Variants in EPS8L2 observed in about 807,000 individuals in gnomAD.
EPS8L2 encodes the protein EPS8 signaling adaptor L2.
Under a neutral mutation model 99.4 loss-of-function variants are expected in EPS8L2, and 81 were observed. The ratio of observed to expected loss-of-function variants is 0.82; its 90% CI spans 0.68 to 0.98. The LOEUF is 0.98. EPS8L2 is among the 50% of genes least tolerant of loss of function. The probability of loss-of-function intolerance (pLI) is 0.00; values close to 1 mark genes in which losing one functional copy is unlikely to be tolerated. For synonymous variants in EPS8L2, 509 were observed against 407.3 expected, an observed-to-expected ratio of 1.25 and a Z score of -3.01; for missense variants, 1,155 against 968.8, an observed-to-expected ratio of 1.19 and a Z score of -2.55.
In EPS8L2 at chr11:724,915, T is replaced by C. The variant is rs1015995914; in HGVS notation, c.1560+86T>C. On this transcript the variant is annotated intron_variant, in intron 16 of 20. Transcript: ENST00000318562. This position sits in a 1 kb window ranked among gnomAD's most constrained non-coding sequence, Gnocchi z 5.5. Reference sequence around the variant, plus strand: ...CTACCAGGGGAGGTGGGGAGCGGTCTAGGGCCAGGCTGGGTGATGCCAGGA... The same window carrying C: ...CTACCAGGGGAGGTGGGGAGCGGTCCAGGGCCAGGCTGGGTGATGCCAGGA... 220 of 1,026,736 alleles carry C rather than the reference T, an allele frequency of 2.1e-4. 2 individuals carry two copies. The highest frequency in any genetic ancestry group is 9.4e-5 in the Non-Finnish European group (63 of 668,366). The allele number at this position is 1,026,736 out of a possible 1,614,324, so 63.6% of individuals were successfully genotyped here.
intron 4 of EPS8L2, among the ~76,000 whole-genome samples, chr11:715,354 G>T (rs1861995209): frequency 6.6e-6 from 1 of 152,136 alleles, no homozygotes. Flanking sequence ...GAAGGTTTCG[G>T]TTATTAATCC....
At chr11:714,564 G>A (rs1435721671) in intron 4 of EPS8L2, among the ~76,000 whole-genome samples, 1 of 150,726 alleles carries the variant, frequency 6.6e-6, no homozygotes, top group Non-Finnish European at 1.5e-5. Context: ...GCTTCCCAGT[G>A]TAGGCTTTTG....
At chr11:716,264 T>G (rs1862025193) in intron 4 of EPS8L2, among the ~76,000 whole-genome samples, 1 of 152,008 alleles carries the variant, frequency 6.6e-6, no homozygotes, top group Non-Finnish European at 1.5e-5. Flanking sequence ...TTCTCCTGCT[T>G]CAGCCTCCTG....
chr11:720,944 G>GGGGAGGGGAGGAGCCCGGCA lies in EPS8L2; in HGVS notation c.557+39_557+58dup, dbSNP rs1862143127. 53 of 1,471,464 alleles carry GGGGAGGGGAGGAGCCCGGCA rather than the reference G, an allele frequency of 3.6e-5. 2 individuals carry two copies. The highest frequency in any genetic ancestry group is 4.3e-5 in the Non-Finnish European group (47 of 1,098,046). 91.2% of individuals were successfully genotyped at this position (1,471,464 alleles called of 1,614,324 possible). A position where few individuals can be genotyped will look rare whatever the true frequency, so the allele number is the denominator to read the frequency against. On this transcript the variant is annotated intron_variant, in intron 7 of 20. Coordinates refer to ENST00000318562, the MANE Select transcript of EPS8L2 (RefSeq NM_022772.4). ...CGGGCGGAGCGGGGTCGCAGGGGGCGGGGAGGGGAGGAGCCCGGCAGGGGA... is the reference window on the plus strand; with the variant it reads ...CGGGCGGAGCGGGGTCGCAGGGGGCGGGGAGGGGAGGAGCCCGGCAGGGAGGGGAGGAGCCCGGCAGGGGA...
At chr11:709,519 G>A (rs766035065) in intron 2 of EPS8L2, 34 bp from the exon 3 acceptor site, 19 of 1,600,028 alleles carry the variant, frequency 1.2e-5, no homozygotes, top group Admixed American at 1.7e-5. Flanking sequence ...GAGGGGTGCA[G>A]TTTGGCCCTG....
intron 4 of EPS8L2, among the ~76,000 whole-genome samples, chr11:712,750 G>A (rs1861922983): frequency 6.6e-6 from 1 of 152,240 alleles, no homozygotes; most frequent in Admixed American, 6.5e-5. Context: ...AGGAGTCCCT[G>A]AGCTCTTGAA....
intron 4 of EPS8L2, among the ~76,000 whole-genome samples, chr11:711,042 A>T (rs1402043562): frequency 2.6e-5 from 4 of 151,924 alleles, no homozygotes; most frequent in Non-Finnish European, 5.9e-5. Flanking sequence ...CCCCAAAACG[A>T]GGAACTGTAT....
At position 715,638 on chromosome 11, in the gene EPS8L2, TG is replaced by T. The variant is rs1364993400; in HGVS notation, c.166-4423del. ...CTTTTGTTTTTTTTTTTTTTTTTTT[TG>T]AAATGGAGTCTTGCTCTGTCGCCCA... On this transcript the variant is annotated intron_variant, in intron 4 of 20. Transcript: ENST00000318562. Among the ~76,000 whole-genome samples, 626 of 138,770 alleles carry T rather than the reference TG, an allele frequency of 4.5e-3. 2 individuals carry two copies. The highest frequency in any genetic ancestry group is 0.017 in the African/African-American group (589 of 34,646). The allele number at this position is 138,770 out of a possible 152,430, so 91.0% of individuals were successfully genotyped here. A position where few individuals can be genotyped will look rare whatever the true frequency, so the allele number is the denominator to read the frequency against.
chr11:715,824 G>A lies in EPS8L2; in HGVS notation c.166-4238G>A, dbSNP rs752380390. ...TTTAGTAGAGACGGGGTTTCACCGCGTTAGCCAGGATGGTCTCGATCTCAT... is the reference window on the plus strand; with the variant it reads ...TTTAGTAGAGACGGGGTTTCACCGCATTAGCCAGGATGGTCTCGATCTCAT... On this transcript the variant is annotated intron_variant, in intron 4 of 20. Coordinates refer to ENST00000318562, the MANE Select transcript of EPS8L2 (RefSeq NM_022772.4). Among the ~76,000 whole-genome samples the A allele has an allele frequency of 8.8e-4, 134 of 151,472 alleles. 1 individual carries two copies. The highest frequency in any genetic ancestry group is 3.0e-3 in the African/African-American group (123 of 41,372).
Position 721,083 on chromosome 11 carries a change from C to A in EPS8L2, c.577C>A (p.Arg193=), listed in dbSNP as rs1862160117. The A allele has an allele frequency of 1.3e-6, 2 of 1,498,258 alleles. No homozygotes were observed. The highest frequency in any genetic ancestry group is 1.8e-6 in the Non-Finnish European group (2 of 1,124,012). The allele number at this position is 1,498,258 out of a possible 1,614,324, so 92.8% of individuals were successfully genotyped here. A position where few individuals can be genotyped will look rare whatever the true frequency, so the allele number is the denominator to read the frequency against. ...QTLKGHQEKI[R]QRQSILPPPQ... ...CTCCAGGGGACACCAGGAGAAGATT[C>A]GGCAGCGGCAGTCCATCCTGCCTCC... Residue 193 remains arginine, a synonymous_variant, in exon 8 of 21, where the codon CGG becomes AGG. Transcript: ENST00000318562.
chr11:726,850 C>T, intron 20 of EPS8L2, 51 bp from the exon 21 acceptor site: 2 of 1,595,334 alleles, frequency 1.3e-6, no homozygotes, highest in Non-Finnish European at 8.5e-7. Flanking sequence ...GAGGCCGGCA[C>T]CCAGACACGT....
At chr11:726,047 T>C (rs756617655) in intron 17 of EPS8L2, 51 bp from the exon 18 acceptor site, 158 of 1,072,008 alleles carry the variant, frequency 1.5e-4, no homozygotes, top group Non-Finnish European at 2.0e-4. Flanking sequence ...GGGCAGGTGC[T>C]GGGAGGCGGG....
At position 726,729 on chromosome 11, in the gene EPS8L2, C is replaced by T; in HGVS notation, c.2045C>T (p.Thr682Ile). The change falls in exon 20 of 21, where the codon ACC (threonine) becomes ATC (isoleucine). Residue 682 changes from threonine to isoleucine, a missense_variant. By Grantham distance (89) the Thr-to-Ile change is moderately conservative. Transcript: ENST00000318562. ...GGCGTCCGCGTGTACAGCCAGCTCA[C>T]CATGCAGAAGGCCTTCCTGGAGGTG... ...EEGVRVYSQL[T>I]MQKAFLEKQQ... The T allele has an allele frequency of 1.3e-6, 2 of 1,595,438 alleles. No homozygotes were observed. The highest frequency in any genetic ancestry group is 2.3e-5 in the South Asian group (2 of 88,080).
In EPS8L2 at chr11:709,566, CGGTCCGACGGTGTGG is replaced by C; in HGVS notation, c.59_73del (p.Arg20_Ala25delinsPro). On this transcript the variant is annotated inframe_deletion, in exon 3 of 21. Transcript: ENST00000318562. ...CCTCCCCTGCAGTGGCAGCCTGGGC[CGGTCCGACGGTGTGG>C]CCAAGATGAGCCCCAAGGACCTGTT... The C allele has an allele frequency of 6.2e-7, 1 of 1,612,984 alleles. No homozygotes were observed. The highest frequency in any genetic ancestry group is 8.5e-7 in the Non-Finnish European group (1 of 1,179,922).
intron 1 of EPS8L2, chr11:706,629 G>T (rs999901509): frequency 1.3e-5 from 2 of 152,712 alleles, no homozygotes; most frequent in African/African-American, 2.4e-5. Flanking sequence ...CCCTGCGTCC[G>T]GAGAGCGCTG....
Position 725,659 on chromosome 11 carries a change from C to T in EPS8L2, c.1561-69C>T, listed in dbSNP as rs796318764. The T allele has an allele frequency of 9.2e-5, 117 of 1,274,684 alleles. 1 individual carries two copies. The African/African-American group carries it at 1.5e-3, about 16-fold the overall frequency. The allele number at this position is 1,274,684 out of a possible 1,614,324, so 79.0% of individuals were successfully genotyped here. On this transcript the variant is annotated intron_variant, in intron 16 of 20. Coordinates refer to ENST00000318562, the MANE Select transcript of EPS8L2 (RefSeq NM_022772.4). ...TAGGGCGCTCCCGACCTCTGTAAAG[C>T]GGCGCCAGCGGGTGGTCCCAGCCCC... is the stretch of plus-strand genomic sequence containing the variant.
rs1862206664 is a variant in EPS8L2 at position 722,457 on chromosome 11, C to G, written c.1116C>G (p.Leu372=). The G allele has an allele frequency of 6.2e-7, 1 of 1,613,596 alleles. No homozygotes were observed. Among genetic ancestry groups the G allele is most frequent in the Non-Finnish European group, 8.5e-7 (1 of 1,179,956 alleles). Reference sequence around the variant, plus strand: ...CACGCTCCGTCTCCTGCCCACTGCTCTCCCGAGATGCCGTGGACTTCCTGC... The same window carrying G: ...CACGCTCCGTCTCCTGCCCACTGCTGTCCCGAGATGCCGTGGACTTCCTGC... The part of the protein sequence containing the change: ...DIARSVSCPL[L]SRDAVDFLRG... The change falls in exon 13 of 21, where the codon CTC becomes CTG. Residue 372 remains leucine, a synonymous_variant. Transcript: ENST00000318562.
At position 722,494 on chromosome 11, in the gene EPS8L2, G is replaced by T; in HGVS notation, c.1153G>T (p.Val385Phe). ...DAVDFLRGHLVPKEMSLWESL... is the reference protein window; with the variant it reads ...DAVDFLRGHLFPKEMSLWESL... ...CGTGGACTTCCTGCGCGGCCACCTG[G>T]TCCCTAAGGAGATGTCGCTGTGGGA... Residue 385 changes from valine (V) to phenylalanine (F), a missense_variant, in exon 13 of 21, where the codon GTC becomes TTC. Val to Phe is a conservative substitution (Grantham distance 50). Transcript: ENST00000318562. 2 of 1,613,456 alleles carry T rather than the reference G, an allele frequency of 1.2e-6. No individual in the cohort carries two copies. Among genetic ancestry groups the T allele is most frequent in the Non-Finnish European group, 8.5e-7 (1 of 1,179,932 alleles).
rs1290544990 is a variant in EPS8L2 at position 722,748 on chromosome 11, T to C, written c.1284T>C (p.Asp428=). The change falls in exon 14 of 21, where the codon GAT becomes GAC. Residue 428 remains aspartate, a synonymous_variant. Transcript: ENST00000318562. The part of the protein sequence containing the change: ...KFHSGWEPPV[D]VLQEAPWEVE... The stretch of plus-strand genomic sequence containing the variant: ...ACAGCGGCTGGGAGCCTCCTGTGGA[T>C]GTGCTGCAGGAGGCCCCCTGGGAGG... 6.2e-7 allele frequency: 1 copy of C among 1,605,848 alleles called. No individual in the cohort carries two copies. Among genetic ancestry groups the C allele is most frequent in the Admixed American group, 1.7e-5 (1 of 59,082 alleles).
Sources: gnomAD v4.1 joint callset for allele counts (sites outside exome capture counted in the v4.1 genomes callset) on GRCh38, gnomAD v4.1.1 for gene constraint, Gnocchi (gnomAD v3.1) non-coding constraint, MANE v1.5 for transcripts, NCBI Gene and HGNC (gene_info 2026-07-23, HGNC 2026-07-21) for gene names.